MYCBP2: variants seen among roughly 807,000 people sequenced by gnomAD.
MYCBP2 encodes the protein MYC binding protein 2.
Under a neutral mutation model 525.3 loss-of-function variants are expected in MYCBP2, and 120 were observed. That is an observed-to-expected ratio of 0.23 (90% CI 0.20 to 0.27). MYCBP2 has a LOEUF of 0.27. MYCBP2 is among the 10% of genes least tolerant of loss of function. MYCBP2 has a pLI of 1.00. For missense variants in MYCBP2, 4,149 were observed against 5,657.1 expected, an observed-to-expected ratio of 0.73 and a Z score of 8.55; for synonymous variants, 1,894 against 1,955.8, an observed-to-expected ratio of 0.97 and a Z score of 0.83.
chr13:77,118,357 T>G, intron 55 of MYCBP2: 1 of 761,500 alleles, frequency 1.3e-6, no homozygotes, highest in Non-Finnish European at 2.4e-6. Context: ...CTGAGGCTGC[T>G]GGAAGGAAAG....
In MYCBP2 at chr13:77,139,250, G is replaced by A; in HGVS notation, c.7605C>T (p.Ala2535=). 1.9e-6 allele frequency: 3 copies of A among 1,613,844 alleles called. No individual in the cohort carries two copies. Among genetic ancestry groups the A allele is most frequent in the Non-Finnish European group, 2.5e-6 (3 of 1,179,820 alleles). ...YVPNMNGYTE[A]WCLSFNQHLG... ...GATGTTGATTAAAAGAGAGGCACCA[G>A]GCTTCAGTGTAACCATTCATGTTAG... The change falls in exon 52 of 83, where the codon GCC becomes GCT. Residue 2535 remains alanine, a synonymous_variant. Transcript: ENST00000544440.
chr13:77,169,574 T>A, intron 39 of MYCBP2, 40 bp downstream of exon 39: 1 of 1,552,442 alleles, frequency 6.4e-7, no homozygotes, highest in Non-Finnish European at 8.9e-7. Flanking sequence ...AAAAAGATAT[T>A]TAAAAAAAAC....
intron 52 of MYCBP2, 93 bp downstream of exon 52, chr13:77,139,103 G>T (rs2054192535): frequency 7.5e-7 from 1 of 1,340,668 alleles, no homozygotes; most frequent in Middle Eastern, 1.9e-4. Context: ...TTAGTTGTGG[G>T]TTACCTCAGA....
intron 52 of MYCBP2, among the ~76,000 whole-genome samples, chr13:77,132,021 T>C (rs182293667): frequency 1.2e-3 from 189 of 152,240 alleles, no homozygotes; most frequent in Middle Eastern, 3.4e-3. Context: ...AATGATGAAA[T>C]GACTCAGGAA....
intron 20 of MYCBP2, among the ~76,000 whole-genome samples, chr13:77,219,310 CAGA>C (rs760700975): frequency 6.6e-6 from 1 of 151,924 alleles, no homozygotes; most frequent in Non-Finnish European, 1.5e-5. Context: ...CTCGATTTAG[CAGA>C]AGGAGGTCTC....
chr13:77,117,442 C>T (rs757974760), intron 55 of MYCBP2, among the ~76,000 whole-genome samples: 3 of 152,056 alleles, frequency 2.0e-5, no homozygotes, highest in African/African-American at 2.4e-5. Context: ...TAGCTACATA[C>T]TAACCTAGTT....
At chr13:77,301,292 T>C (rs1322421419) in intron 1 of MYCBP2, among the ~76,000 whole-genome samples, 2 of 151,854 alleles carry the variant, frequency 1.3e-5, no homozygotes, top group Non-Finnish European at 2.9e-5. Context: ...GGTGCACGCC[T>C]GCAATCCCAG....
chr13:77,098,067 T>C lies in MYCBP2; in HGVS notation c.9087A>G (p.Glu3029=), dbSNP rs745847403. 1.6e-5 allele frequency: 26 copies of C among 1,613,598 alleles called. No homozygotes were observed. The highest frequency in any genetic ancestry group is 2.1e-5 in the Non-Finnish European group (25 of 1,179,770). ...AGGAAGCAAACACAGCTCTGGCACA[T>C]TCGGCCACAGAAGGAGACATGGCTT... is the stretch of plus-strand genomic sequence containing the variant. ...AKQAMSPSVA[E]CARAVFASFL... The change falls in exon 56 of 83, where the codon GAA becomes GAG. Residue 3029 remains glutamate, a synonymous_variant. Transcript: ENST00000544440.
intron 3 of MYCBP2, among the ~76,000 whole-genome samples, chr13:77,283,887 G>C (rs1246011577): frequency 6.6e-6 from 1 of 152,312 alleles, no homozygotes; most frequent in African/African-American, 2.4e-5. Flanking sequence ...GACAGAGCCA[G>C]ACCCTGTCTC....
intron 26 of MYCBP2, among the ~76,000 whole-genome samples, chr13:77,202,883 T>C (rs970664917): frequency 6.6e-6 from 1 of 152,194 alleles, no homozygotes; most frequent in Admixed American, 6.5e-5. Context: ...TAGGTATTCA[T>C]GGGACATATT....
intron 30 of MYCBP2, among the ~76,000 whole-genome samples, chr13:77,186,341 T>G (rs539317378): frequency 6.6e-6 from 1 of 152,294 alleles, no homozygotes. Context: ...AAAATAAATT[T>G]TTCAGTGTTC....
At chr13:77,128,832 A>G (rs1205832655) in intron 52 of MYCBP2, among the ~76,000 whole-genome samples, 1 of 152,006 alleles carries the variant, frequency 6.6e-6, no homozygotes, top group Non-Finnish European at 1.5e-5. Context: ...AAGTGTTGGC[A>G]GCAGAAAAAA....
In MYCBP2 at chr13:77,169,633, A is replaced by C. The variant is rs1373311431; in HGVS notation, c.5876T>G (p.Val1959Gly). The C allele has an allele frequency of 5.0e-6, 8 of 1,613,180 alleles. No individual in the cohort carries two copies. Among genetic ancestry groups the C allele is most frequent in the African/African-American group, 1.3e-5 (1 of 74,896 alleles). The change falls in exon 39 of 83, where the codon GTA (valine) becomes GGA (glycine). Residue 1959 changes from valine to glycine, a missense_variant. Transcript: ENST00000544440. ...ACACACCTTGGGAATAGCAGCAGCT[A>C]CTGGTCCTATGTAGGCTATAATAAG... The part of the protein sequence containing the change: ...LPLIIAYIGP[V>G]AAAIPKVAVE...
intron 17 of MYCBP2, among the ~76,000 whole-genome samples, chr13:77,237,888 A>T (rs1333721215): frequency 6.6e-6 from 1 of 152,164 alleles, no homozygotes; most frequent in Non-Finnish European, 1.5e-5. Flanking sequence ...CTGGAATATC[A>T]GCTAATATTG....
chr13:77,061,682 T>C lies in MYCBP2; in HGVS notation c.12883A>G (p.Thr4295Ala), dbSNP rs764878975. The C allele has an allele frequency of 5.6e-6, 9 of 1,610,784 alleles. No individual in the cohort carries two copies. In the Admixed American group the frequency reaches 1.2e-4, roughly 21 times the overall value. The change falls in exon 75 of 83, where the codon ACC becomes GCC. Residue 4295 changes from threonine to alanine, a missense_variant. Physicochemically the swap from Thr to Ala is moderately conservative, Grantham distance 58. This residue lies in a region of MYCBP2 where 220 missense variants were observed against 396.0 expected (regional missense o/e 0.56). Transcript: ENST00000544440. ...CDRFLHLHRR[T>A]KTHQRQVFKE... is the part of the protein sequence containing the mutation. ...TTCACCTGTCTTTGATGAGTTTTGG[T>C]TCTTCGATGAAGGTGAAGGAATCTG... is the stretch of plus-strand genomic sequence containing the variant.
chr13:77,257,127 A>T (rs1323211981), intron 14 of MYCBP2, among the ~76,000 whole-genome samples: 3 of 152,168 alleles, frequency 2.0e-5, no homozygotes, highest in Non-Finnish European at 2.9e-5. Flanking sequence ...GAAAGAAGCC[A>T]GGCACCGAAA....
chr13:77,284,429 A>G (rs1404230285), intron 3 of MYCBP2, among the ~76,000 whole-genome samples: 1 of 152,154 alleles, frequency 6.6e-6, no homozygotes, highest in African/African-American at 2.4e-5. Context: ...TTCAAATCCC[A>G]TCACCTCAAA....
intron 73 of MYCBP2, 122 bp downstream of exon 73, chr13:77,064,493 T>C: frequency 9.1e-7 from 1 of 1,099,750 alleles, no homozygotes; most frequent in Non-Finnish European, 1.3e-6. Flanking sequence ...ATAAATACGG[T>C]ATTTGGTTAA....
intron 49 of MYCBP2, among the ~76,000 whole-genome samples, chr13:77,143,289 G>A (rs78940355): frequency 0.029 from 4,477 of 152,328 alleles, 94 homozygotes; most frequent in East Asian, 0.052. Context: ...AGTAGGTGGA[G>A]AAGATCTGCT....
Sources: gnomAD v4.1 joint callset for allele counts (sites outside exome capture counted in the v4.1 genomes callset) on GRCh38, gnomAD v4.1.1 for gene constraint, gnomAD v4.1.1 regional missense constraint, MANE v1.5 for transcripts, NCBI Gene and HGNC (gene_info 2026-07-23, HGNC 2026-07-21) for gene names.